ASPRV1: variants seen among roughly 807,000 people sequenced by gnomAD.
The protein encoded by ASPRV1 is aspartic peptidase retroviral like 1, also known as retroviral-like aspartic protease 1.
In ASPRV1, 7 loss-of-function variants were observed where a neutral mutation model predicts 11.0. That is an observed-to-expected ratio of 0.64 (90% CI 0.36 to 1.20). The LOEUF (loss-of-function observed/expected upper bound fraction) is 1.20, where lower values mean the gene tolerates loss of function less well. Ranked by LOEUF, ASPRV1 falls within the 50% of genes most tolerant of loss-of-function variation. The pLI is 0.02. For missense variants in ASPRV1, 299 were observed against 320.0 expected (o/e 0.93, Z 0.50); for synonymous variants, 136 against 138.4 (o/e 0.98, Z 0.12).
the ASPRV1 span, among the ~76,000 whole-genome samples, chr2:69,954,235 G>A: frequency 6.6e-6 from 1 of 152,100 alleles, no homozygotes; most frequent in Admixed American, 6.6e-5. Flanking sequence ...CTGCTTCCAG[G>A]CCAGACATCA....
upstream of ASPRV1, among the ~76,000 whole-genome samples, chr2:69,965,340 A>T (rs2104300707): frequency 6.6e-6 from 1 of 152,254 alleles, no homozygotes; most frequent in African/African-American, 2.4e-5. Context: ...GCCCACCTCA[A>T]ACACTTTAGA....
At chr2:70,008,055 T>C in the ASPRV1 span, among the ~76,000 whole-genome samples, 1 of 152,164 alleles carries the variant, frequency 6.6e-6, no homozygotes, top group East Asian at 1.9e-4. Context: ...AGGCTGGTCT[T>C]GAACTCCTGA....
At chr2:70,014,290 T>C in the ASPRV1 span, among the ~76,000 whole-genome samples, 1 of 152,024 alleles carries the variant, frequency 6.6e-6, no homozygotes, top group Non-Finnish European at 1.5e-5. Context: ...ACATTGAGGA[T>C]ACATAGAGAA....
chr2:70,053,919 T>C, the ASPRV1 span: 4 of 152,264 alleles, frequency 2.6e-5, no homozygotes, highest in African/African-American at 9.6e-5. Context: ...TTGCCAAATG[T>C]GTATTTATTG....
the ASPRV1 span, among the ~76,000 whole-genome samples, chr2:69,934,027 G>C: frequency 3.3e-5 from 5 of 152,232 alleles, no homozygotes; most frequent in Non-Finnish European, 7.3e-5. Flanking sequence ...GAAGCTTAAA[G>C]TCTAGTTGAA....
chr2:70,013,030 G>A, the ASPRV1 span, among the ~76,000 whole-genome samples: 843 of 152,328 alleles, frequency 5.5e-3, 7 homozygotes, highest in Middle Eastern at 0.02. Flanking sequence ...GATACCTAAA[G>A]ACTTCTTAAC....
chr2:70,016,770 C>T, the ASPRV1 span, among the ~76,000 whole-genome samples: 3 of 151,470 alleles, frequency 2.0e-5, no homozygotes, highest in Non-Finnish European at 2.9e-5. Flanking sequence ...CTTGAACCTA[C>T]GAGGCAGAGG....
the ASPRV1 span, among the ~76,000 whole-genome samples, chr2:69,946,632 T>C: frequency 6.6e-6 from 1 of 152,170 alleles, no homozygotes; most frequent in African/African-American, 2.4e-5. Flanking sequence ...AATACAAAAT[T>C]CCAACACTCA....
chr2:70,073,563 G>C, the ASPRV1 span, among the ~76,000 whole-genome samples: 3 of 152,138 alleles, frequency 2.0e-5, no homozygotes, highest in African/African-American at 4.8e-5. Context: ...ATTTAAAACA[G>C]TGTCTGACAC....
chr2:70,033,925 C>T, the ASPRV1 span, among the ~76,000 whole-genome samples: 5 of 152,048 alleles, frequency 3.3e-5, no homozygotes, highest in South Asian at 2.1e-4. Context: ...GAGGCCGAGG[C>T]GGGCAGATCA....
the ASPRV1 span, chr2:70,086,508 G>C: frequency 6.6e-6 from 1 of 151,526 alleles, no homozygotes; most frequent in African/African-American, 2.4e-5. Context: ...GGCGGGCCCT[G>C]ACGGGGCCGC....
At chr2:69,939,138 CTT>C in the ASPRV1 span, 1 of 150,898 alleles carries the variant, frequency 6.6e-6, no homozygotes, top group African/African-American at 2.4e-5. Context: ...AGTGATTATC[CTT>C]TTTTCCCCCC....
At chr2:69,977,508 G>A in the ASPRV1 span, among the ~76,000 whole-genome samples, 17 of 152,288 alleles carry the variant, frequency 1.1e-4, no homozygotes, top group East Asian at 1.9e-4. Flanking sequence ...AGACTGGCCC[G>A]GTATCTGCGT....
chr2:70,048,107 C>CAAAA, the ASPRV1 span, among the ~76,000 whole-genome samples: 13 of 32,470 alleles, frequency 4.0e-4, no homozygotes, highest in African/African-American at 1.1e-3. Flanking sequence ...GACTCCATCT[C>CAAAA]AAAAAAAAAA....
At chr2:70,053,347 G>C in the ASPRV1 span, among the ~76,000 whole-genome samples, 2 of 152,074 alleles carry the variant, frequency 1.3e-5, no homozygotes, top group South Asian at 4.1e-4. Context: ...GTTGGTGCCT[G>C]TATCTTTAGC....
chr2:70,059,180 C>T, the ASPRV1 span, among the ~76,000 whole-genome samples: 4 of 151,828 alleles, frequency 2.6e-5, no homozygotes, highest in East Asian at 1.9e-4. Flanking sequence ...CGTGAGCCAC[C>T]GTGCCTGGCC....
At chr2:69,938,931 C>T in the ASPRV1 span, 1 of 152,642 alleles carries the variant, frequency 6.6e-6, no homozygotes, top group Non-Finnish European at 1.5e-5. Context: ...GGTTGCACAG[C>T]TCATCAAAGT....
the ASPRV1 span, among the ~76,000 whole-genome samples, chr2:69,999,354 G>A: frequency 3.3e-5 from 5 of 151,842 alleles, no homozygotes; most frequent in East Asian, 1.9e-4. Context: ...ATTCTGCAGC[G>A]GAAGTATTCC....
chr2:69,973,386 G>GTT, the ASPRV1 span, among the ~76,000 whole-genome samples: 1 of 148,652 alleles, frequency 6.7e-6, no homozygotes, highest in South Asian at 2.1e-4. Context: ...TTCACTTGTT[G>GTT]TTTTTTTTTT....
Sources: allele counts gnomAD v4.1 joint callset (sites outside exome capture counted in the v4.1 genomes callset), GRCh38; gene constraint gnomAD v4.1.1; transcripts MANE v1.5; gene names NCBI Gene and HGNC (gene_info 2026-07-23, HGNC 2026-07-21).